Variants in MIPEP observed in about 807,000 individuals in gnomAD.
MIPEP encodes the protein mitochondrial intermediate peptidase.
Under a neutral mutation model 90.3 loss-of-function variants are expected in MIPEP, and 79 were observed. The ratio of observed to expected loss-of-function variants is 0.87; its 90% CI spans 0.73 to 1.05. The LOEUF is 1.05. MIPEP is among the 50% of genes least tolerant of loss of function. The pLI is 0.00. For missense variants in MIPEP, 940 were observed against 905.6 expected (o/e 1.04, Z -0.49); for synonymous variants, 334 against 315.8 (o/e 1.06, Z -0.61).
chr13:23,857,564 T>C (rs1870101117), intron 10 of MIPEP, among the ~76,000 whole-genome samples: 3 of 152,176 alleles, frequency 2.0e-5, no homozygotes, highest in African/African-American at 7.2e-5. Context: ...AGTGAGACCC[T>C]GTCTCTAAAA....
rs9578645 is a variant in MIPEP at position 23,784,137 on chromosome 13, C to A, written c.1848+21813G>T. On this transcript the variant is annotated intron_variant, in intron 16 of 18. Coordinates refer to ENST00000382172, the MANE Select transcript of MIPEP (RefSeq NM_005932.4). ...TTCTTCACAGAATTGGAAAAAACTA[C>A]TTTAAAGTTCATATGGAACCAAAAA... Among the ~76,000 whole-genome samples, 842 of 152,256 alleles carry A rather than the reference C, an allele frequency of 5.5e-3. 11 individuals carry two copies. Among genetic ancestry groups the A allele is most frequent in the African/African-American group, 0.019 (799 of 41,554 alleles).
At chr13:23,776,148 A>G (rs1442274885) in intron 16 of MIPEP, among the ~76,000 whole-genome samples, 2 of 151,916 alleles carry the variant, frequency 1.3e-5, no homozygotes, top group Admixed American at 1.3e-4. Flanking sequence ...ATATCTGCTC[A>G]TGTCACTTCT....
intron 18 of MIPEP, among the ~76,000 whole-genome samples, chr13:23,748,366 C>T (rs1181502232): frequency 6.6e-6 from 1 of 152,156 alleles, no homozygotes; most frequent in Non-Finnish European, 1.5e-5. Flanking sequence ...CAGTTGCCCT[C>T]CTATCACAGA....
intron 16 of MIPEP, among the ~76,000 whole-genome samples, chr13:23,795,343 T>C (rs1952946370): frequency 2.0e-5 from 3 of 152,240 alleles, no homozygotes; most frequent in Non-Finnish European, 2.9e-5. Flanking sequence ...TATTTGTTTA[T>C]ACATTTAAAA....
chr13:23,817,872 A>G (rs184518748), intron 14 of MIPEP, among the ~76,000 whole-genome samples: 3 of 152,216 alleles, frequency 2.0e-5, no homozygotes, highest in African/African-American at 7.2e-5. Flanking sequence ...TGAACACTTA[A>G]TAACTCAATA....
chr13:23,740,403 G>T (rs1304636000), intron 18 of MIPEP, among the ~76,000 whole-genome samples: 1 of 149,572 alleles, frequency 6.7e-6, no homozygotes, highest in Non-Finnish European at 1.5e-5. Flanking sequence ...GAGCCCTGTT[G>T]TAACTTCTTC....
Position 23,806,019 on chromosome 13 carries a change from C to T in MIPEP, c.1779G>A (p.Arg593=), listed in dbSNP as rs1953102730. ...DQIYHGKHPL[R]NSTTDILKET... ...CCTTGAGAATGTCTGTGGTTGAATTCCTCAGGGGATGCTTCCCATGGTAGA... is the reference window on the plus strand; with the variant it reads ...CCTTGAGAATGTCTGTGGTTGAATTTCTCAGGGGATGCTTCCCATGGTAGA... Residue 593 remains arginine (R), a synonymous_variant, in exon 16 of 19, where the codon AGG becomes AGA. Coordinates refer to ENST00000382172, the MANE Select transcript of MIPEP (RefSeq NM_005932.4). The T allele has an allele frequency of 3.1e-6, 5 of 1,613,858 alleles. No homozygotes were observed. The highest frequency in any genetic ancestry group is 4.2e-6 in the Non-Finnish European group (5 of 1,179,820).
At chr13:23,870,760 G>A (rs1054282097) in intron 5 of MIPEP, among the ~76,000 whole-genome samples, 1 of 151,966 alleles carries the variant, frequency 6.6e-6, no homozygotes, top group African/African-American at 2.4e-5. Context: ...AGCCGAGATC[G>A]CACCACTGTA....
intron 14 of MIPEP, among the ~76,000 whole-genome samples, chr13:23,811,103 A>C (rs1953166426): frequency 6.6e-6 from 1 of 152,218 alleles, no homozygotes; most frequent in Non-Finnish European, 1.5e-5. Flanking sequence ...GATTTTTAAC[A>C]GTCAAGATTT....
intron 16 of MIPEP, among the ~76,000 whole-genome samples, chr13:23,781,615 A>C (rs893708868): frequency 3.3e-4 from 49 of 150,276 alleles, no homozygotes; most frequent in Non-Finnish European, 1.3e-4. Flanking sequence ...TATTAACCTT[A>C]AATGTAAATG....
intron 16 of MIPEP, among the ~76,000 whole-genome samples, chr13:23,765,202 G>C (rs905840956): frequency 1.3e-5 from 2 of 152,082 alleles, no homozygotes; most frequent in Admixed American, 1.3e-4. Context: ...CGGGGGGTGG[G>C]TCCTAGAACC....
At chr13:23,847,436 T>A (rs2137474488) in intron 10 of MIPEP, among the ~76,000 whole-genome samples, 1 of 138,664 alleles carries the variant, frequency 7.2e-6, no homozygotes, top group East Asian at 2.1e-4. Flanking sequence ...CGTCAAAAAC[T>A]GCAGACATTA....
chr13:23,826,735 A>T (rs1355439831), intron 14 of MIPEP, among the ~76,000 whole-genome samples: 1 of 152,184 alleles, frequency 6.6e-6, no homozygotes, highest in Non-Finnish European at 1.5e-5. Context: ...AAATCAGAAG[A>T]AAAAAACAAG....
At chr13:23,744,399 G>A (rs984581858) in intron 18 of MIPEP, among the ~76,000 whole-genome samples, 6 of 152,188 alleles carry the variant, frequency 3.9e-5, no homozygotes, top group African/African-American at 7.2e-5. Flanking sequence ...AGTGGAATAT[G>A]CATGCACATA....
At chr13:23,738,859 G>A (rs748021266) in intron 18 of MIPEP, among the ~76,000 whole-genome samples, 10 of 152,124 alleles carry the variant, frequency 6.6e-5, no homozygotes, top group African/African-American at 1.9e-4. Flanking sequence ...TCCCCCATCC[G>A]AGCCCTGCTG....
At chr13:23,769,676 C>T (rs1179473905) in intron 16 of MIPEP, among the ~76,000 whole-genome samples, 1 of 152,146 alleles carries the variant, frequency 6.6e-6, no homozygotes, top group Non-Finnish European at 1.5e-5. Context: ...AATCAGGCAG[C>T]CAGCACCTCT....
chr13:23,784,049 A>C (rs1246414588), intron 16 of MIPEP, among the ~76,000 whole-genome samples: 4 of 152,092 alleles, frequency 2.6e-5, no homozygotes, highest in Non-Finnish European at 5.9e-5. Flanking sequence ...TAGATTCCCC[A>C]TCTATAAATA....
intron 4 of MIPEP, among the ~76,000 whole-genome samples, chr13:23,878,537 GTAGA>G (rs887100771): frequency 1.3e-5 from 2 of 152,186 alleles, no homozygotes; most frequent in Admixed American, 1.3e-4. Flanking sequence ...CCAACAAAAC[GTAGA>G]TAAACAGGAA....
At chr13:23,831,926 G>C (rs1868788424) in intron 14 of MIPEP, among the ~76,000 whole-genome samples, 3 of 152,100 alleles carry the variant, frequency 2.0e-5, no homozygotes, top group Admixed American at 2.0e-4. Context: ...TTCTTTCCTT[G>C]AATCTAAGAA....
Sources: allele counts gnomAD v4.1 joint callset (sites outside exome capture counted in the v4.1 genomes callset), GRCh38; gene constraint gnomAD v4.1.1; transcripts MANE v1.5; gene names NCBI Gene and HGNC (gene_info 2026-07-23, HGNC 2026-07-21).